Variants in IFI44L observed in about 807,000 individuals in gnomAD.
IFI44L encodes the protein interferon-induced protein 44-like.
A neutral mutation model predicts 39.3 loss-of-function variants in IFI44L; 40 were observed. The ratio of observed to expected loss-of-function variants is 1.02; its 90% CI spans 0.79 to 1.33. The LOEUF is 1.33. Among genes scored for constraint, IFI44L ranks in the 40% most tolerant of loss-of-function variants. The probability of loss-of-function intolerance (pLI) is 0.00; values close to 1 mark genes in which losing one functional copy is unlikely to be tolerated. For missense variants in IFI44L, 623 were observed against 549.0 expected, an observed-to-expected ratio of 1.13 and a Z score of -1.35; for synonymous variants, 198 against 182.3, an observed-to-expected ratio of 1.09 and a Z score of -0.69.
At chr1:78,631,203 T>C (rs981379151) in intron 4 of IFI44L, among the ~76,000 whole-genome samples, 3 of 152,132 alleles carry the variant, frequency 2.0e-5, no homozygotes, top group African/African-American at 4.8e-5. Context: ...TTTTATTGCT[T>C]AAAAGACTCT....
At chr1:78,631,010 T>C (rs1652729838) in intron 4 of IFI44L, among the ~76,000 whole-genome samples, 1 of 152,150 alleles carries the variant, frequency 6.6e-6, no homozygotes, top group Non-Finnish European at 1.5e-5. Context: ...ATCTGTATCA[T>C]TCATTGTGAT....
At position 78,628,371 on chromosome 1, in the gene IFI44L, A is replaced by G; in HGVS notation, c.456A>G (p.Glu152=). Residue 152 remains glutamate, a synonymous_variant, in exon 2 of 9, where the codon GAA becomes GAG. Transcript: ENST00000370751. The part of the protein sequence containing the change: ...LRFYGHRQYL[E]CEVFRVEGIK... ...TTTATGGCCACCGTCAGTATTTGGAATGTGAAGTTTTTCGAGTTGAAGGTT... is the reference window on the plus strand; with the variant it reads ...TTTATGGCCACCGTCAGTATTTGGAGTGTGAAGTTTTTCGAGTTGAAGGTT... The G allele has an allele frequency of 6.4e-7, 1 of 1,570,030 alleles. No homozygotes were observed.
intron 6 of IFI44L, among the ~76,000 whole-genome samples, chr1:78,637,700 C>T (rs1298309916): frequency 6.6e-6 from 1 of 152,062 alleles, no homozygotes; most frequent in Non-Finnish European, 1.5e-5. Flanking sequence ...GAATGTTATA[C>T]AAATGGAATC....
At chr1:78,639,103 GA>G (rs1290563535) in intron 6 of IFI44L, among the ~76,000 whole-genome samples, 1 of 152,030 alleles carries the variant, frequency 6.6e-6, no homozygotes, top group East Asian at 1.9e-4. Context: ...GAAGGTTAAT[GA>G]AGGCTAAAGT....
intron 4 of IFI44L, 64 bp downstream of exon 4, chr1:78,629,979 C>A (rs1027575779): frequency 2.8e-6 from 4 of 1,430,006 alleles, no homozygotes; most frequent in Non-Finnish European, 3.9e-6. Context: ...TATGTCTTTG[C>A]CTTTTTCTCT....
At chr1:78,636,964 A>G in intron 5 of IFI44L, 68 bp from the exon 6 acceptor site, 2 of 1,180,400 alleles carry the variant, frequency 1.7e-6, no homozygotes, top group Non-Finnish European at 2.5e-6. Flanking sequence ...TAGAAGCATT[A>G]ATTGTGTCTT....
At chr1:78,633,910 A>C (rs1271425208) in intron 4 of IFI44L, among the ~76,000 whole-genome samples, 1 of 152,204 alleles carries the variant, frequency 6.6e-6, no homozygotes, top group East Asian at 1.9e-4. Flanking sequence ...AACAAATTTC[A>C]GAGATGAAAA....
chr1:78,632,210 C>A (rs1652775268), intron 4 of IFI44L, among the ~76,000 whole-genome samples: 1 of 152,076 alleles, frequency 6.6e-6, no homozygotes, highest in African/African-American at 2.4e-5. Flanking sequence ...TATCTTAATG[C>A]AAATGCTCAA....
At chr1:78,635,273 T>C (rs1188663742) in intron 4 of IFI44L, 64 bp from the exon 5 acceptor site, 3 of 1,301,208 alleles carry the variant, frequency 2.3e-6, no homozygotes, top group Non-Finnish European at 3.3e-6. Flanking sequence ...CTTTTCTTCT[T>C]ATTGTCATGT....
chr1:78,623,396 G>GTTTTT (rs71078508), intron 1 of IFI44L, among the ~76,000 whole-genome samples: 9 of 121,304 alleles, frequency 7.4e-5, no homozygotes, highest in Non-Finnish European at 8.2e-5. Flanking sequence ...AGTGTTTTTT[G>GTTTTT]TTTTTTTTTT....
rs1647022151 is a variant in IFI44L at position 78,644,200 on chromosome 1, A to G, written c.*2391A>G. ...AACCCTTTGGTGGAGCCTGAAAAAA[A>G]TCTGGGCAGAATGTAGGACTTCTTT... On this transcript the variant is annotated 3_prime_UTR_variant, in exon 9 of 9. Coordinates refer to ENST00000370751, the MANE Select transcript of IFI44L (RefSeq NM_006820.4). The G allele has an allele frequency of 6.6e-6, 1 of 152,154 alleles. No individual in the cohort carries two copies. The highest frequency in any genetic ancestry group is 2.1e-4 in the South Asian group (1 of 4,830). 9.4% of individuals were successfully genotyped at this position (152,154 alleles called of 1,614,324 possible). A position where few individuals can be genotyped will look rare whatever the true frequency, so the allele number is the denominator to read the frequency against.
At chr1:78,621,763 A>G (rs1652283045) in intron 1 of IFI44L, among the ~76,000 whole-genome samples, 1 of 151,954 alleles carries the variant, frequency 6.6e-6, no homozygotes, top group Non-Finnish European at 1.5e-5. Flanking sequence ...TTACACAATA[A>G]CTTAAAAAAT....
At position 78,644,547 on chromosome 1, in the gene IFI44L, A is replaced by G. The variant is rs1442790077; in HGVS notation, c.*2738A>G. The G allele has an allele frequency of 2.0e-5, 3 of 152,294 alleles. No homozygotes were observed. Among genetic ancestry groups the G allele is most frequent in the African/African-American group, 4.8e-5 (2 of 41,570 alleles). The allele number at this position is 152,294 out of a possible 1,614,324, so 9.4% of individuals were successfully genotyped here. On this transcript the variant is annotated 3_prime_UTR_variant, in exon 9 of 9. Coordinates refer to ENST00000370751, the MANE Select transcript of IFI44L (RefSeq NM_006820.4). Reference sequence around the variant, plus strand: ...GAGGAGGCCTCAAAAAGGGGGAAACATCTTTTGTCTGGGAGGATATTTTCC... The same window carrying G: ...GAGGAGGCCTCAAAAAGGGGGAAACGTCTTTTGTCTGGGAGGATATTTTCC...
intron 4 of IFI44L, among the ~76,000 whole-genome samples, chr1:78,633,154 C>T (rs1005423522): frequency 6.6e-6 from 1 of 152,120 alleles, no homozygotes; most frequent in South Asian, 2.1e-4. Flanking sequence ...TCTGCATCAC[C>T]CCCCTCAACC....
In IFI44L at chr1:78,626,571, A is replaced by G. The variant is rs146662135; in HGVS notation, c.-10-1335A>G. Reference sequence around the variant, plus strand: ...TTTCTGCTATGCAGCTATGGACACTAGCAATTCTCATTTACCTTAATTCAA... The same window carrying G: ...TTTCTGCTATGCAGCTATGGACACTGGCAATTCTCATTTACCTTAATTCAA... On this transcript the variant is annotated intron_variant, in intron 1 of 8. Transcript: ENST00000370751. The G allele has an allele frequency of 7.9e-5, 12 of 152,240 alleles. No homozygotes were observed. In the East Asian group the frequency reaches 2.3e-3, roughly 29 times the overall value. The allele number at this position is 152,240 out of a possible 1,614,324, so 9.4% of individuals were successfully genotyped here. A position where few individuals can be genotyped will look rare whatever the true frequency, so the allele number is the denominator to read the frequency against.
chr1:78,639,668 A>G (rs1033177820), intron 6 of IFI44L, among the ~76,000 whole-genome samples: 7 of 152,050 alleles, frequency 4.6e-5, no homozygotes, highest in African/African-American at 1.7e-4. Context: ...ATGTCCAGAG[A>G]TTTTAGCTAC....
chr1:78,632,562 A>G (rs1652787709), intron 4 of IFI44L, among the ~76,000 whole-genome samples: 1 of 152,246 alleles, frequency 6.6e-6, no homozygotes, highest in Admixed American at 6.5e-5. Context: ...GTGGCAGCAT[A>G]TAAAAATGTC....
rs1437375587 is a variant in IFI44L, at chr1:78,644,742, T to A, written c.*2933T>A. The A allele has an allele frequency of 6.6e-6, 1 of 152,162 alleles. No homozygotes were observed. Among genetic ancestry groups the A allele is most frequent in the African/African-American group, 2.4e-5 (1 of 41,432 alleles). The allele number at this position is 152,162 out of a possible 1,614,324, so 9.4% of individuals were successfully genotyped here. On this transcript the variant is annotated 3_prime_UTR_variant, in exon 9 of 9. Coordinates refer to ENST00000370751, the MANE Select transcript of IFI44L (RefSeq NM_006820.4). ...TAAATTCTTCTTAGAAAAATAGTGCTAAGGAGTATAGCAGATGACCTATAT... is the reference window on the plus strand; with the variant it reads ...TAAATTCTTCTTAGAAAAATAGTGCAAAGGAGTATAGCAGATGACCTATAT...
chr1:78,637,061 G>A lies in IFI44L; in HGVS notation c.906G>A (p.Glu302=), dbSNP rs1185516714. The change falls in exon 6 of 9, where the codon GAG becomes GAA. Residue 302 remains glutamate, a synonymous_variant. Transcript: ENST00000370751. The part of the protein sequence containing the change: ...QFNSRKPITP[E]HSTFITSPSL... Reference sequence around the variant, plus strand: ...ATTCCCGTAAACCAATTACACCTGAGCATTCTACTTTTATCACCTCTCCAT... The same window carrying A: ...ATTCCCGTAAACCAATTACACCTGAACATTCTACTTTTATCACCTCTCCAT... The A allele has an allele frequency of 1.9e-6, 3 of 1,611,908 alleles. No homozygotes were observed. The highest frequency in any genetic ancestry group is 2.7e-5 in the African/African-American group (2 of 74,814).
Sources: allele counts gnomAD v4.1 joint callset (sites outside exome capture counted in the v4.1 genomes callset), GRCh38; gene constraint gnomAD v4.1.1; transcripts MANE v1.5; gene names NCBI Gene and HGNC (gene_info 2026-07-23, HGNC 2026-07-21).